Variants in SLC43A2 observed in about 807,000 individuals in gnomAD.
SLC43A2 encodes the protein large neutral amino acids transporter small subunit 4.
A neutral mutation model predicts 63.2 loss-of-function variants in SLC43A2; 38 were observed. That is an observed-to-expected ratio of 0.60 (90% CI 0.46 to 0.79). SLC43A2 has a LOEUF of 0.79. Among genes scored for constraint, SLC43A2 ranks in the 30% least tolerant of loss-of-function variants. The pLI, the probability that SLC43A2 is intolerant of heterozygous loss-of-function variation, is 0.00. For synonymous variants in SLC43A2, 322 were observed against 331.0 expected, an observed-to-expected ratio of 0.97 and a Z score of 0.30; for missense variants, 644 against 756.2, an observed-to-expected ratio of 0.85 and a Z score of 1.74.
At chr17:1,600,053 A>G (rs1422793748) in intron 5 of SLC43A2, among the ~76,000 whole-genome samples, 1 of 147,482 alleles carries the variant, frequency 6.8e-6, no homozygotes, top group Non-Finnish European at 1.5e-5. Flanking sequence ...CAAAAAAAAA[A>G]AAATCATTTA....
chr17:1,616,917 G>C, intron 2 of SLC43A2, 148 bp from the exon 3 acceptor site: 1 of 819,836 alleles, frequency 1.2e-6, no homozygotes, highest in Non-Finnish European at 1.9e-6. Context: ...CCCCGCAGCA[G>C]GCTTGGATGG....
At chr17:1,597,498 CA>C (rs71148498) in intron 5 of SLC43A2, among the ~76,000 whole-genome samples, 2,491 of 131,314 alleles carry the variant, frequency 0.019, 50 homozygotes, top group Middle Eastern at 0.04. Flanking sequence ...GAGCAAGACT[CA>C]AAAAAAAAAA....
Position 1,583,549 on chromosome 17 carries a change from G to T in SLC43A2, c.1218-213C>A. ...CAAGCTGAGTGTGACTCTCGGAGGG[G>T]GTCTCGGGTACAAGAAGATGGCCAT... On this transcript the variant is annotated intron_variant, in intron 10 of 13. Transcript: ENST00000301335. This position sits in a 1 kb window ranked among gnomAD's most constrained non-coding sequence, Gnocchi z 5.5. The T allele has an allele frequency of 1.4e-6, 1 of 710,748 alleles. No individual in the cohort carries two copies. The highest frequency in any genetic ancestry group is 2.1e-5 in the South Asian group (1 of 47,020). 44.0% of individuals were successfully genotyped at this position (710,748 alleles called of 1,614,324 possible).
chr17:1,605,974 A>C lies in SLC43A2; in HGVS notation c.501+7221T>G, dbSNP rs902688543. Among the ~76,000 whole-genome samples, 2 of 152,134 alleles carry C rather than the reference A, an allele frequency of 1.3e-5. No individual in the cohort carries two copies. Among genetic ancestry groups the C allele is most frequent in the Admixed American group, 1.3e-4 (2 of 15,268 alleles). ...TGAACGTGGTCACATACTGCAGCAA[A>C]TTCATGAGGCAGAACCCTCAGATGG... On this transcript the variant is annotated intron_variant, in intron 5 of 13. Coordinates refer to ENST00000301335, the MANE Select transcript of SLC43A2 (RefSeq NM_152346.3). The surrounding 1 kb of genome is among the most constrained non-coding windows in gnomAD (Gnocchi z 4.9).
rs376843937 is a variant in SLC43A2, at chr17:1,627,870, G to A, written c.5C>T (p.Ala2Val). ...CCGATGGGCAGTGGCCAGGGTGGGC[G>A]CCATGGTGCGGCGCGGCGCGGCTCC... M[A>V]PTLATAHRRR... is the part of the protein sequence containing the mutation. The change falls in exon 2 of 14, where the codon GCG (alanine) becomes GTG (valine). Residue 2 changes from alanine to valine, a missense_variant. Ala to Val is a moderately conservative substitution (Grantham distance 64). Around this residue, in one of 3 missense-constraint regions of SLC43A2, gnomAD observed 528 missense variants for 623.6 expected, o/e 0.85. Coordinates refer to ENST00000301335, the MANE Select transcript of SLC43A2 (RefSeq NM_152346.3). The A allele has an allele frequency of 3.7e-4, 578 of 1,565,076 alleles. No individual in the cohort carries two copies. The highest frequency in any genetic ancestry group is 4.6e-4 in the Non-Finnish European group (527 of 1,155,798).
intron 5 of SLC43A2, chr17:1,604,879 C>T (rs1391495575): frequency 2.4e-5 from 37 of 1,535,342 alleles, no homozygotes; most frequent in Non-Finnish European, 3.1e-5. Context: ...CACTCCGTCC[C>T]CAGCTTCCCT....
In SLC43A2 at chr17:1,605,876, C is replaced by T. The variant is rs1425439199; in HGVS notation, c.501+7319G>A. ...GTGCTGAAGGGAGGGGAAGGGTGTG[C>T]TCCCCTCCCCCGGCCACCTCCTGTG... On this transcript the variant is annotated intron_variant, in intron 5 of 13. Coordinates refer to ENST00000301335, the MANE Select transcript of SLC43A2 (RefSeq NM_152346.3). The surrounding 1 kb of genome is among the most constrained non-coding windows in gnomAD (Gnocchi z 4.9). Among the ~76,000 whole-genome samples the T allele has an allele frequency of 6.6e-6, 1 of 152,084 alleles. No homozygotes were observed. The highest frequency in any genetic ancestry group is 1.5e-5 in the Non-Finnish European group (1 of 67,990).
At chr17:1,601,471 G>A (rs562031584) in intron 5 of SLC43A2, among the ~76,000 whole-genome samples, 3 of 152,162 alleles carry the variant, frequency 2.0e-5, no homozygotes, top group South Asian at 4.1e-4. Context: ...CAACCCCGCT[G>A]GAAACAACCA....
chr17:1,622,291 C>T (rs959846084), intron 2 of SLC43A2, among the ~76,000 whole-genome samples: 3 of 152,238 alleles, frequency 2.0e-5, no homozygotes, highest in Non-Finnish European at 1.5e-5. Flanking sequence ...CGGCTGGGCG[C>T]GGTGGCTCAC....
In SLC43A2 at chr17:1,615,009, G is replaced by T. The variant is rs1907464882; in HGVS notation, c.394C>A (p.Leu132Met). 6.2e-7 allele frequency: 1 copy of T among 1,613,922 alleles called. No individual in the cohort carries two copies. The highest frequency in any genetic ancestry group is 8.5e-7 in the Non-Finnish European group (1 of 1,179,992). Residue 132 changes from leucine (L) to methionine (M), a missense_variant, in exon 4 of 14, where the codon CTG (leucine) becomes ATG (methionine). By Grantham distance (15) the Leu-to-Met change is conservative. Coordinates refer to ENST00000301335, the MANE Select transcript of SLC43A2 (RefSeq NM_152346.3). ...GGTTTACTTGCTCCGTACGCAATCA[G>T]CAAGCAGGAAACCGCGAAGCAGGCG... ...GSACFAVSCLLIAYGASKPNA... is the reference protein window; with the variant it reads ...GSACFAVSCLMIAYGASKPNA...
rs1415421637 is a variant in SLC43A2 at position 1,616,759 on chromosome 17, G to C, written c.171C>G (p.Thr57=). ...SYLCTEPENV[T]NGTVGGTAEP... is the part of the protein sequence containing the mutation. ...CTGCTGTGCCGCCCACTGTGCCATT[G>C]GTGACATTCTCTGTGTGAAGAGGGA... Residue 57 remains threonine (T), a synonymous_variant, in exon 3 of 14, where the codon ACC becomes ACG. Coordinates refer to ENST00000301335, the MANE Select transcript of SLC43A2 (RefSeq NM_152346.3). 1 of 1,613,814 alleles carries C rather than the reference G, an allele frequency of 6.2e-7. No homozygotes were observed. The highest frequency in any genetic ancestry group is 1.1e-5 in the South Asian group (1 of 91,078).
Position 1,627,761 on chromosome 17 carries a change from G to A in SLC43A2, c.114C>T (p.Ile38=), listed in dbSNP as rs763980099. ...AGTAAAAGCCCTCTGACTTGAGCAT[G>A]ATGAGCAGCGAGCCCCAGCCCAGGA... is the stretch of plus-strand genomic sequence containing the variant. The part of the protein sequence containing the change: ...AVLLGWGSLL[I]MLKSEGFYSY... Residue 38 remains isoleucine, a synonymous_variant, in exon 2 of 14, where the codon ATC becomes ATT. Coordinates refer to ENST00000301335, the MANE Select transcript of SLC43A2 (RefSeq NM_152346.3). 1.3e-6 allele frequency: 2 copies of A among 1,595,338 alleles called. No individual in the cohort carries two copies. Among genetic ancestry groups the A allele is most frequent in the Non-Finnish European group, 8.5e-7 (1 of 1,171,640 alleles).
intron 10 of SLC43A2, among the ~76,000 whole-genome samples, chr17:1,584,206 A>G (rs926775949): frequency 1.3e-5 from 2 of 151,884 alleles, no homozygotes. Context: ...CACCCTCTGC[A>G]ATTATCTCTC....
intron 5 of SLC43A2, among the ~76,000 whole-genome samples, chr17:1,601,220 G>A (rs767532291): frequency 2.1e-4 from 32 of 152,062 alleles, no homozygotes; most frequent in Non-Finnish European, 2.1e-4. Flanking sequence ...TACCAAAGGG[G>A]TCTGTTCCAC....
rs998737802 is a variant in SLC43A2 at position 1,606,443 on chromosome 17, C to G, written c.501+6752G>C. Among the ~76,000 whole-genome samples, 1 of 152,194 alleles carries G rather than the reference C, an allele frequency of 6.6e-6. No homozygotes were observed. Among genetic ancestry groups the G allele is most frequent in the Admixed American group, 6.5e-5 (1 of 15,280 alleles). ...AGAAATGTCTCATCGGGGAGCCTGG[C>G]AACATTTTGAAACCCGCTTTTCTGT... On this transcript the variant is annotated intron_variant, in intron 5 of 13. Coordinates refer to ENST00000301335, the MANE Select transcript of SLC43A2 (RefSeq NM_152346.3). This position sits in a 1 kb window ranked among gnomAD's most constrained non-coding sequence, Gnocchi z 4.7.
In SLC43A2 at chr17:1,591,328, C is replaced by T. The variant is rs775365597; in HGVS notation, c.872G>A (p.Gly291Asp). ...SAKEQVALQE[G>D]HKLCLSTVDL... Reference sequence around the variant, plus strand: ...GACGGTGGACAGGCACAGCTTGTGGCCCTCCTGCAGCGCCACCTGCTCCTT... The same window carrying T: ...GACGGTGGACAGGCACAGCTTGTGGTCCTCCTGCAGCGCCACCTGCTCCTT... The change falls in exon 8 of 14, where the codon GGC (glycine) becomes GAC (aspartate). Residue 291 changes from glycine (G) to aspartate (D), a missense_variant. By Grantham distance (94) the Gly-to-Asp change is moderately conservative (BLOSUM62 -1). This residue lies in a region of SLC43A2 where 528 missense variants were observed against 623.6 expected (regional missense o/e 0.85). Coordinates refer to ENST00000301335, the MANE Select transcript of SLC43A2 (RefSeq NM_152346.3). The T allele has an allele frequency of 4.4e-6, 7 of 1,609,086 alleles. No homozygotes were observed. In the Admixed American group the frequency reaches 1.0e-4, roughly 23 times the overall value.
chr17:1,600,152 A>ATATTTTTTT (rs1216616243), intron 5 of SLC43A2, among the ~76,000 whole-genome samples: 5 of 60,272 alleles, frequency 8.3e-5, no homozygotes, highest in African/African-American at 2.1e-4. Context: ...ATATATATAT[A>ATATTTTTTT]TTTTTTTTTT....
At chr17:1,600,995 G>A (rs781144964) in intron 5 of SLC43A2, among the ~76,000 whole-genome samples, 2 of 151,804 alleles carry the variant, frequency 1.3e-5, no homozygotes, top group Non-Finnish European at 2.9e-5. Context: ...TACAAGAATC[G>A]CGTTGCATAT....
chr17:1,590,887 C>T lies in SLC43A2; in HGVS notation c.993G>A (p.Met331Ile). Residue 331 changes from methionine to isoleucine, a missense_variant, in exon 9 of 14, where the codon ATG (methionine) becomes ATA (isoleucine). By Grantham distance (10) the Met-to-Ile change is conservative. Coordinates refer to ENST00000301335, the MANE Select transcript of SLC43A2 (RefSeq NM_152346.3). ...SPILLLSLVT[M>I]CVTQLRLIFY... ...AGATGAGCCGCAGCTGCGTGACGCA[C>T]ATGGTGACCAGGCTGAGCAGCAGGA... is the stretch of plus-strand genomic sequence containing the variant. 6.4e-7 allele frequency: 1 copy of T among 1,553,046 alleles called. No individual in the cohort carries two copies. Among genetic ancestry groups the T allele is most frequent in the Non-Finnish European group, 8.7e-7 (1 of 1,147,696 alleles).
Sources: allele counts gnomAD v4.1 joint callset (sites outside exome capture counted in the v4.1 genomes callset), GRCh38; gene constraint gnomAD v4.1.1; regional missense constraint gnomAD v4.1.1; non-coding constraint Gnocchi (gnomAD v3.1); transcripts MANE v1.5; gene names NCBI Gene and HGNC (gene_info 2026-07-23, HGNC 2026-07-21).